SGCZ: variants seen among roughly 807,000 people sequenced by gnomAD.
SGCZ encodes the protein zeta-sarcoglycan.
A neutral mutation model predicts 41.3 loss-of-function variants in SGCZ; 40 were observed. That is an observed-to-expected ratio of 0.97 (90% CI 0.75 to 1.26). The LOEUF is 1.26. Among genes scored for constraint, SGCZ ranks in the 50% most tolerant of loss-of-function variants. SGCZ has a pLI of 0.00. For synonymous variants in SGCZ, 206 were observed against 137.5 expected (o/e 1.50, Z -3.49); for missense variants, 552 against 369.8 (o/e 1.49, Z -4.04).
intron 1 of SGCZ, among the ~76,000 whole-genome samples, chr8:15,031,930 T>TCTCTCA (rs1241003097): frequency 2.6e-5 from 4 of 151,698 alleles, no homozygotes; most frequent in African/African-American, 4.8e-5. Context: ...TCTCTCTCTC[T>TCTCTCA]CTCTCTCTGT....
Position 14,850,248 on chromosome 8 carries a change from C to G in SGCZ, c.40-295322G>C, listed in dbSNP as rs966888771. On this transcript the variant is annotated intron_variant, in intron 1 of 7. Transcript: ENST00000382080. ...GTTCATTCAATAACAATTTACTGAA[C>G]AGTTAAAATATGCATGCACTGTGCT... Among the ~76,000 whole-genome samples, 5 of 152,188 alleles carry G rather than the reference C, an allele frequency of 3.3e-5. No individual in the cohort carries two copies. In the East Asian group the frequency reaches 9.7e-4, roughly 29 times the overall value.
At chr8:14,847,134 A>AGAAGAG (rs1803150303) in intron 1 of SGCZ, among the ~76,000 whole-genome samples, 2 of 115,176 alleles carry the variant, frequency 1.7e-5, no homozygotes, top group Admixed American at 9.1e-5. Flanking sequence ...AGAAAGAAGA[A>AGAAGAG]GAAGAAGAAG....
intron 3 of SGCZ, among the ~76,000 whole-genome samples, chr8:14,317,702 C>G (rs1346324389): frequency 6.6e-6 from 1 of 151,934 alleles, no homozygotes; most frequent in South Asian, 2.1e-4. Flanking sequence ...GAGCCAGGCT[C>G]CTAGATAAGG....
At chr8:14,698,990 A>G (rs1403410283) in intron 1 of SGCZ, among the ~76,000 whole-genome samples, 3 of 151,862 alleles carry the variant, frequency 2.0e-5, no homozygotes, top group Non-Finnish European at 2.9e-5. Flanking sequence ...ATACGGTAAT[A>G]AACTATGATA....
At chr8:14,715,995 A>G (rs1012327965) in intron 1 of SGCZ, among the ~76,000 whole-genome samples, 1 of 152,182 alleles carries the variant, frequency 6.6e-6, no homozygotes, top group Non-Finnish European at 1.5e-5. Context: ...GGCACTAGTA[A>G]CATAGCTTCA....
intron 1 of SGCZ, among the ~76,000 whole-genome samples, chr8:14,868,243 G>A (rs1040359263): frequency 2.0e-5 from 3 of 152,104 alleles, no homozygotes. Context: ...TTGCCCTCAT[G>A]CAACTCGGTG....
intron 2 of SGCZ, among the ~76,000 whole-genome samples, chr8:14,544,894 T>C (rs1179823465): frequency 1.3e-5 from 2 of 152,156 alleles, no homozygotes; most frequent in Non-Finnish European, 2.9e-5. Context: ...GTGATCTTTA[T>C]TAGACCCTTA....
At chr8:15,116,125 C>T (rs761903812) in intron 1 of SGCZ, among the ~76,000 whole-genome samples, 8 of 152,084 alleles carry the variant, frequency 5.3e-5, no homozygotes, top group Non-Finnish European at 7.4e-5. Context: ...GGTCTGCAGC[C>T]ATTAGTTTGC....
At chr8:15,163,976 C>G (rs1563159992) in intron 1 of SGCZ, among the ~76,000 whole-genome samples, 1 of 152,222 alleles carries the variant, frequency 6.6e-6, no homozygotes, top group Non-Finnish European at 1.5e-5. Flanking sequence ...AGGCTGGCCT[C>G]TCCGCTTCCT....
intron 1 of SGCZ, among the ~76,000 whole-genome samples, chr8:15,036,920 A>C (rs1184938690): frequency 6.6e-6 from 1 of 152,190 alleles, no homozygotes; most frequent in East Asian, 1.9e-4. Flanking sequence ...TATCCGAGGA[A>C]TAAAAGAATG....
At chr8:15,075,023 C>T (rs1805480445) in intron 1 of SGCZ, among the ~76,000 whole-genome samples, 1 of 152,158 alleles carries the variant, frequency 6.6e-6, no homozygotes, top group Admixed American at 6.6e-5. Flanking sequence ...AACCCAAAAG[C>T]TTGTCACGGA....
chr8:14,432,692 T>C (rs1799976648), intron 2 of SGCZ, among the ~76,000 whole-genome samples: 1 of 152,096 alleles, frequency 6.6e-6, no homozygotes, highest in Non-Finnish European at 1.5e-5. Flanking sequence ...GGCGGGCCGA[T>C]CACCTGAGGT....
In SGCZ at chr8:14,283,286, C is replaced by T. The variant is rs140799324; in HGVS notation, c.336+40817G>A. Reference sequence around the variant, plus strand: ...ATTGCTGGAAACGATTCCCATTCTGCTCAATTAATTCTGAGCCCTTTTCAC... The same window carrying T: ...ATTGCTGGAAACGATTCCCATTCTGTTCAATTAATTCTGAGCCCTTTTCAC... On this transcript the variant is annotated intron_variant, in intron 3 of 7. Coordinates refer to ENST00000382080, the MANE Select transcript of SGCZ (RefSeq NM_139167.4). Among the ~76,000 whole-genome samples the T allele has an allele frequency of 6.3e-4, 96 of 152,278 alleles. 1 individual carries two copies. The highest frequency in any genetic ancestry group is 3.4e-3 in the Middle Eastern group (1 of 294).
intron 1 of SGCZ, among the ~76,000 whole-genome samples, chr8:14,559,512 G>A (rs1431706539): frequency 6.6e-6 from 1 of 152,118 alleles, no homozygotes; most frequent in Non-Finnish European, 1.5e-5. Flanking sequence ...CACATCCCAT[G>A]CTCATGGATG....
chr8:14,934,628 C>T (rs915476964), intron 1 of SGCZ, among the ~76,000 whole-genome samples: 1 of 151,644 alleles, frequency 6.6e-6, no homozygotes, highest in Non-Finnish European at 1.5e-5. Context: ...GAAACTTCCA[C>T]ATTTCTAGAA....
intron 2 of SGCZ, among the ~76,000 whole-genome samples, chr8:14,373,988 TA>T (rs200234950): frequency 0.02 from 3,010 of 151,956 alleles, 78 homozygotes; most frequent in African/African-American, 0.056. Flanking sequence ...AAAATAAAAA[TA>T]AAAAAATACA....
intron 1 of SGCZ, among the ~76,000 whole-genome samples, chr8:15,199,075 C>A (rs1318560953): frequency 6.6e-6 from 1 of 152,198 alleles, no homozygotes; most frequent in Non-Finnish European, 1.5e-5. Context: ...TCTGCCAAAA[C>A]TAGGTACCAA....
intron 1 of SGCZ, among the ~76,000 whole-genome samples, chr8:15,044,178 T>C (rs1486185639): frequency 1.3e-5 from 2 of 152,204 alleles, no homozygotes; most frequent in Non-Finnish European, 2.9e-5. Context: ...CTATGCTATA[T>C]TGAATAAATG....
chr8:15,184,864 G>C (rs188507864), intron 1 of SGCZ, among the ~76,000 whole-genome samples: 3 of 152,074 alleles, frequency 2.0e-5, no homozygotes, highest in South Asian at 2.1e-4. Context: ...TTCATCACGC[G>C]TTCCCTTTGT....
Sources: allele counts gnomAD v4.1 joint callset (sites outside exome capture counted in the v4.1 genomes callset), GRCh38; gene constraint gnomAD v4.1.1; transcripts MANE v1.5; gene names NCBI Gene and HGNC (gene_info 2026-07-23, HGNC 2026-07-21).